Variants in BARD1 observed in about 807,000 individuals in gnomAD.
BARD1 encodes the protein BRCA1 associated RING domain 1.
Under a neutral mutation model 77.0 loss-of-function variants are expected in BARD1, and 73 were observed. That is an observed-to-expected ratio of 0.95 (90% CI 0.79 to 1.15). The LOEUF (loss-of-function observed/expected upper bound fraction) is 1.15. Among genes scored for constraint, BARD1 ranks in the 50% most tolerant of loss-of-function variants. BARD1 has a pLI of 0.00. For synonymous variants in BARD1, 384 were observed against 338.0 expected (o/e 1.14, Z -1.49); for missense variants, 993 against 938.8 (o/e 1.06, Z -0.75).
In BARD1 at chr2:214,770,852, G is replaced by A. The variant is rs539745090; in HGVS notation, c.1315-1540C>T. ...ACTCTTCTTTTTTATTTTCCTAGAA[G>A]TGAGAGATAATAATCCTCCAGCTAT... On this transcript the variant is annotated intron_variant, in intron 4 of 10. Coordinates refer to ENST00000260947, the MANE Select transcript of BARD1 (RefSeq NM_000465.4). Among the ~76,000 whole-genome samples, 241 of 152,290 alleles carry A rather than the reference G, an allele frequency of 1.6e-3. 2 individuals carry two copies. Among genetic ancestry groups the A allele is most frequent in the African/African-American group, 5.3e-3 (219 of 41,556 alleles).
intron 3 of BARD1, among the ~76,000 whole-genome samples, chr2:214,785,766 A>C (rs1294857083): frequency 6.6e-6 from 1 of 151,978 alleles, no homozygotes; most frequent in East Asian, 1.9e-4. Context: ...AACGGAGGAA[A>C]GTTGGAAAAA....
At position 214,781,318 on chromosome 2, in the gene BARD1, T is replaced by C. The variant is rs16852741; in HGVS notation, c.556A>G (p.Ser186Gly). The C allele has an allele frequency of 4.4e-5, 71 of 1,612,818 alleles. No individual in the cohort carries two copies. In the East Asian group the frequency reaches 1.5e-3, roughly 35 times the overall value. ...QQDSYEFVSPSPPADVSERAK... is the reference protein window; with the variant it reads ...QQDSYEFVSPGPPADVSERAK... ...CTCTCAGAAACATCTGCAGGAGGAC[T>C]TGGGGAAACAAATTCATATGAGTCT... The change falls in exon 4 of 11, where the codon AGT becomes GGT. Residue 186 changes from serine to glycine, a missense_variant. Ser to Gly is a moderately conservative substitution (Grantham distance 56). Coordinates refer to ENST00000260947, the MANE Select transcript of BARD1 (RefSeq NM_000465.4).
At chr2:214,753,774 A>C (rs964570424) in intron 6 of BARD1, among the ~76,000 whole-genome samples, 1 of 152,160 alleles carries the variant, frequency 6.6e-6, no homozygotes, top group Non-Finnish European at 1.5e-5. Flanking sequence ...TATTAGAATA[A>C]GAAATGAACC....
chr2:214,739,610 A>G (rs149516937), intron 9 of BARD1, among the ~76,000 whole-genome samples: 309 of 152,262 alleles, frequency 2.0e-3, no homozygotes, highest in African/African-American at 7.1e-3. Flanking sequence ...AAACTTAAGT[A>G]AAAGAACAGA....
At chr2:214,740,999 C>T (rs1456819847) in intron 9 of BARD1, among the ~76,000 whole-genome samples, 2 of 151,918 alleles carry the variant, frequency 1.3e-5, no homozygotes, top group Non-Finnish European at 2.9e-5. Context: ...AAGAAGCCAA[C>T]TTGTTAGAAT....
chr2:214,793,078 T>C (rs1459007099), intron 2 of BARD1, among the ~76,000 whole-genome samples: 2 of 152,178 alleles, frequency 1.3e-5, no homozygotes, highest in Non-Finnish European at 2.9e-5. Context: ...AGCCCATCTG[T>C]GAATTCCAGA....
intron 4 of BARD1, among the ~76,000 whole-genome samples, chr2:214,777,383 C>A (rs1481981155): frequency 6.6e-6 from 1 of 152,146 alleles, no homozygotes; most frequent in Non-Finnish European, 1.5e-5. Flanking sequence ...TAAAGCCCTA[C>A]CTGCAGTGGG....
intron 3 of BARD1, among the ~76,000 whole-genome samples, chr2:214,789,938 CAGT>C (rs1482912824): frequency 6.6e-6 from 1 of 152,078 alleles, no homozygotes; most frequent in Non-Finnish European, 1.5e-5. Context: ...GGAAATTAAT[CAGT>C]AGAATTATCT....
chr2:214,757,039 C>T (rs1229959574), intron 6 of BARD1, among the ~76,000 whole-genome samples: 2 of 152,112 alleles, frequency 1.3e-5, no homozygotes, highest in Non-Finnish European at 1.5e-5. Flanking sequence ...CCTCTTCCTC[C>T]TGCTCTGACC....
At chr2:214,770,256 C>T (rs1448780144) in intron 4 of BARD1, among the ~76,000 whole-genome samples, 1 of 152,222 alleles carries the variant, frequency 6.6e-6, no homozygotes, top group Non-Finnish European at 1.5e-5. Flanking sequence ...AAAATCACCA[C>T]CCATTATCAA....
intron 2 of BARD1, among the ~76,000 whole-genome samples, chr2:214,795,230 T>C (rs1174019497): frequency 6.6e-6 from 1 of 152,110 alleles, no homozygotes; most frequent in African/African-American, 2.4e-5. Context: ...GATATATAAC[T>C]GGTAAAAAGT....
intron 7 of BARD1, among the ~76,000 whole-genome samples, chr2:214,747,432 A>G (rs975010997): frequency 2.5e-4 from 37 of 147,240 alleles, no homozygotes; most frequent in African/African-American, 9.1e-4. Context: ...CACTATTCAC[A>G]ATAGCAAAGA....
rs766375903 is a variant in BARD1 at position 214,769,191 on chromosome 2, G to T, written c.1395+41C>A. On this transcript the variant is annotated intron_variant, in intron 5 of 10. Transcript: ENST00000260947. ...TACATAACTATAAACTATAAGAACTGTAAAACACAGAAAGAATGAGAATAA... is the reference window on the plus strand; with the variant it reads ...TACATAACTATAAACTATAAGAACTTTAAAACACAGAAAGAATGAGAATAA... 49 of 1,527,976 alleles carry T rather than the reference G, an allele frequency of 3.2e-5. No homozygotes were observed. In the African/African-American group the frequency reaches 6.2e-4, roughly 19 times the overall value. The allele number at this position is 1,527,976 out of a possible 1,614,324, so 94.7% of individuals were successfully genotyped here. A position where few individuals can be genotyped will look rare whatever the true frequency, so the allele number is the denominator to read the frequency against.
chr2:214,770,737 A>T (rs2106085009), intron 4 of BARD1, among the ~76,000 whole-genome samples: 1 of 152,264 alleles, frequency 6.6e-6, no homozygotes, highest in Admixed American at 6.5e-5. Context: ...TAAGACAAAA[A>T]AAATAGCTTC....
chr2:214,802,368 A>T (rs1696063078), intron 1 of BARD1, among the ~76,000 whole-genome samples: 1 of 152,202 alleles, frequency 6.6e-6, no homozygotes, highest in African/African-American at 2.4e-5. Flanking sequence ...GGCATGTTTA[A>T]GGTAGGCTGG....
In BARD1 at chr2:214,727,868, A is replaced by C. The variant is rs913490035; in HGVS notation, c.*808T>G. On this transcript the variant is annotated 3_prime_UTR_variant, in exon 11 of 11. Transcript: ENST00000260947. ...TTTAAAGTAATGACGTTGGACTGAC[A>C]ATTTGCTAGACTGGTCAGACCTTTT... 4.5e-6 allele frequency: 1 copy of C among 220,192 alleles called. No homozygotes were observed. Among genetic ancestry groups the C allele is most frequent in the African/African-American group, 2.2e-5 (1 of 44,680 alleles). The allele number at this position is 220,192 out of a possible 1,614,324, so 13.6% of individuals were successfully genotyped here.
chr2:214,742,635 G>A (rs942250212), intron 9 of BARD1, among the ~76,000 whole-genome samples: 11 of 152,058 alleles, frequency 7.2e-5, no homozygotes, highest in Non-Finnish European at 8.8e-5. Context: ...AAGTTAGTCC[G>A]AGTCCATCAG....
rs781482219 is a variant in BARD1 at position 214,780,680 on chromosome 2, T to C, written c.1194A>G (p.Thr398=). ...CTCGCCTGTAACTTGAACTACTTAA[T>C]GTAGAAGGTGGTGTACCTGGTGAAA... ...ISLSPGTPPS[T]LSSSSYRRVM... Residue 398 remains threonine (T), a synonymous_variant, in exon 4 of 11, where the codon ACA becomes ACG. Transcript: ENST00000260947. 40 of 1,614,022 alleles carry C rather than the reference T, an allele frequency of 2.5e-5. No homozygotes were observed. The highest frequency in any genetic ancestry group is 4.0e-5 in the African/African-American group (3 of 74,932).
At chr2:214,737,177 T>G (rs1249042175) in intron 9 of BARD1, among the ~76,000 whole-genome samples, 1 of 151,900 alleles carries the variant, frequency 6.6e-6, no homozygotes, top group Non-Finnish European at 1.5e-5. Context: ...TGGTGTGAGG[T>G]GGTAGGAAGC....
Sources: allele counts gnomAD v4.1 joint callset (sites outside exome capture counted in the v4.1 genomes callset), GRCh38; gene constraint gnomAD v4.1.1; transcripts MANE v1.5; gene names NCBI Gene and HGNC (gene_info 2026-07-23, HGNC 2026-07-21).